Variants in UTRN observed in about 807,000 individuals in gnomAD.
UTRN encodes the protein dystrophin-related protein 1.
In UTRN, 283 loss-of-function variants were observed where a neutral mutation model predicts 463.9. That is an observed-to-expected ratio of 0.61 (90% CI 0.55 to 0.67). The LOEUF is 0.67. UTRN is among the 30% of genes least tolerant of loss of function. The pLI is 0.00. For synonymous variants in UTRN, 1,442 were observed against 1,431.5 expected (o/e 1.01, Z -0.17); for missense variants, 3,922 against 4,084.3 (o/e 0.96, Z 1.08).
chr6:144,444,631 C>T (rs1055789152), intron 14 of UTRN, among the ~76,000 whole-genome samples: 5 of 152,094 alleles, frequency 3.3e-5, no homozygotes, highest in Non-Finnish European at 4.4e-5. Flanking sequence ...AGAAGATATG[C>T]TATTTTCATG....
At chr6:144,360,994 G>C (rs1779036300) in intron 2 of UTRN, among the ~76,000 whole-genome samples, 1 of 152,190 alleles carries the variant, frequency 6.6e-6, no homozygotes, top group African/African-American at 2.4e-5. Flanking sequence ...ATTGATGAAA[G>C]AAGAGGAAAG....
chr6:144,553,774 G>A (rs1386794055), intron 48 of UTRN, among the ~76,000 whole-genome samples: 1 of 152,052 alleles, frequency 6.6e-6, no homozygotes, highest in African/African-American at 2.4e-5. Context: ...GCCGGGTGTG[G>A]TGGCACACAC....
Position 144,852,840 on chromosome 6 carries a change from T to G in UTRN, c.*1843T>G, listed in dbSNP as rs978405533. 1 of 152,634 alleles carries G rather than the reference T, an allele frequency of 6.6e-6. No homozygotes were observed. Among genetic ancestry groups the G allele is most frequent in the African/African-American group, 2.4e-5 (1 of 41,456 alleles). The allele number at this position is 152,634 out of a possible 1,614,324, so 9.5% of individuals were successfully genotyped here. ...TATGCAAAATGTCCTCTATCTGCTA[T>G]TAAAGAAAAGCTACGTAAAACACTA... On this transcript the variant is annotated 3_prime_UTR_variant, in exon 75 of 75. Transcript: ENST00000367545.
At chr6:144,596,855 T>C (rs1803697697) in intron 51 of UTRN, among the ~76,000 whole-genome samples, 1 of 152,214 alleles carries the variant, frequency 6.6e-6, no homozygotes, top group Non-Finnish European at 1.5e-5. Flanking sequence ...TTGCATACTT[T>C]ACTGTTGAGC....
chr6:144,299,335 G>A (rs1263866379), intron 2 of UTRN, among the ~76,000 whole-genome samples: 1 of 152,162 alleles, frequency 6.6e-6, no homozygotes, highest in Non-Finnish European at 1.5e-5. Flanking sequence ...AAAATGATCT[G>A]CATTTTAGAG....
chr6:144,372,648 C>A (rs1780101262), intron 2 of UTRN, among the ~76,000 whole-genome samples: 1 of 151,942 alleles, frequency 6.6e-6, no homozygotes. Flanking sequence ...GCATGCACCA[C>A]CATGCCTGGC....
At chr6:144,739,948 C>T (rs1789867892) in intron 54 of UTRN, among the ~76,000 whole-genome samples, 1 of 152,184 alleles carries the variant, frequency 6.6e-6, no homozygotes, top group African/African-American at 2.4e-5. Flanking sequence ...GTAGTAAATG[C>T]AGACATTCCC....
At chr6:144,372,210 G>A (rs1780051624) in intron 2 of UTRN, among the ~76,000 whole-genome samples, 1 of 152,246 alleles carries the variant, frequency 6.6e-6, no homozygotes, top group Non-Finnish European at 1.5e-5. Context: ...TATTGCTATA[G>A]CATCTAATGA....
chr6:144,318,205 C>A (rs1226262327), intron 2 of UTRN, among the ~76,000 whole-genome samples: 1 of 152,136 alleles, frequency 6.6e-6, no homozygotes, highest in Non-Finnish European at 1.5e-5. Flanking sequence ...TCAGTGTATT[C>A]CATCTTTCTT....
chr6:144,657,118 C>T (rs575034178), intron 51 of UTRN, among the ~76,000 whole-genome samples: 57 of 152,096 alleles, frequency 3.7e-4, no homozygotes, highest in Non-Finnish European at 7.1e-4. Flanking sequence ...GGCGTGGTGG[C>T]GCATGCCTCT....
At chr6:144,388,481 A>ATTTATTTATTTAT (rs111990906) in intron 2 of UTRN, among the ~76,000 whole-genome samples, 3 of 143,886 alleles carry the variant, frequency 2.1e-5, no homozygotes, top group African/African-American at 8.0e-5. Flanking sequence ...CCTGGCTAAT[A>ATTTATTTATTTAT]TTATTTATTT....
intron 2 of UTRN, among the ~76,000 whole-genome samples, chr6:144,338,235 T>C (rs906357167): frequency 3.3e-5 from 5 of 152,142 alleles, no homozygotes; most frequent in African/African-American, 1.2e-4. Flanking sequence ...GCTTTTAAAA[T>C]CATGTGAAAA....
At chr6:144,743,865 T>G (rs1790374306) in intron 54 of UTRN, among the ~76,000 whole-genome samples, 1 of 152,132 alleles carries the variant, frequency 6.6e-6, no homozygotes, top group South Asian at 2.1e-4. Context: ...TAAAAGATAG[T>G]TATCTGTGGT....
chr6:144,767,856 A>G (rs1793531623), intron 58 of UTRN, among the ~76,000 whole-genome samples: 1 of 152,084 alleles, frequency 6.6e-6, no homozygotes, highest in Non-Finnish European at 1.5e-5. Context: ...TGCCTTTATA[A>G]TTATAATTGG....
intron 65 of UTRN, among the ~76,000 whole-genome samples, chr6:144,818,667 C>T (rs78662107): frequency 2.0e-4 from 31 of 152,300 alleles, no homozygotes; most frequent in African/African-American, 7.2e-4. Context: ...TTCTTATACA[C>T]GGGTCCTCTT....
rs567274465 is a variant in UTRN at position 144,346,798 on chromosome 6, G to A, written c.79+54891G>A. ...AGATTGCGCCACTGCACTTCAGCCCGGGCATCAGGGCGAGACTCTGTTTAA... is the reference window on the plus strand; with the variant it reads ...AGATTGCGCCACTGCACTTCAGCCCAGGCATCAGGGCGAGACTCTGTTTAA... On this transcript the variant is annotated intron_variant, in intron 2 of 74. Transcript: ENST00000367545. Among the ~76,000 whole-genome samples the A allele has an allele frequency of 2.7e-3, 410 of 152,124 alleles. 2 individuals carry two copies. The highest frequency in any genetic ancestry group is 8.9e-3 in the African/African-American group (370 of 41,478).
chr6:144,551,438 T>G (rs1798912744), intron 48 of UTRN, among the ~76,000 whole-genome samples: 1 of 152,196 alleles, frequency 6.6e-6, no homozygotes, highest in African/African-American at 2.4e-5. Context: ...TCATTATACT[T>G]TATTCTCTAA....
intron 58 of UTRN, among the ~76,000 whole-genome samples, chr6:144,761,282 AG>A (rs1201257724): frequency 4.6e-5 from 7 of 152,214 alleles, no homozygotes; most frequent in African/African-American, 1.7e-4. Context: ...CCTCTAAGGT[AG>A]ACTTTCTGAA....
At chr6:144,772,016 GTTTTTTTTTTT>G (rs748399313) in intron 59 of UTRN, 48 bp downstream of exon 59, 95 of 127,558 alleles carry the variant, frequency 7.4e-4, no homozygotes, top group African/African-American at 1.1e-3. Flanking sequence ...CTGAGAACCG[GTTTTTTTTTTT>G]TTTTTTTTTT....
Sources: gnomAD v4.1 joint callset for allele counts (sites outside exome capture counted in the v4.1 genomes callset) on GRCh38, gnomAD v4.1.1 for gene constraint, MANE v1.5 for transcripts, NCBI Gene and HGNC (gene_info 2026-07-23, HGNC 2026-07-21) for gene names.